PCDH11X: variants seen among roughly 807,000 people sequenced by gnomAD.
The protein encoded by PCDH11X is protocadherin-11 X-linked.
A neutral mutation model predicts 53.3 loss-of-function variants in PCDH11X; 18 were observed. That is an observed-to-expected ratio of 0.34 (90% CI 0.23 to 0.50). The LOEUF is 0.50. Among genes scored for constraint, PCDH11X ranks in the 20% least tolerant of loss-of-function variants. The probability of loss-of-function intolerance (pLI) is 0.98; values close to 1 mark genes in which losing one functional copy is unlikely to be tolerated. For synonymous variants in PCDH11X, 279 were observed against 393.3 expected (o/e 0.71, Z 3.44); for missense variants, 570 against 1,032.4 (o/e 0.55, Z 6.14).
intron 6 of PCDH11X, among the ~76,000 whole-genome samples, chrX:92,111,253 C>CAAAAAAAAAAAAAAAAAAAA (rs2064503540): frequency 3.8e-5 from 2 of 52,401 alleles, no homozygotes; most frequent in East Asian, 5.7e-3. Context: ...AAAAAAAAAT[C>CAAAAAAAAAAAAAAAAAAAA]AGCGTCAACT....
intron 8 of PCDH11X, among the ~76,000 whole-genome samples, chrX:92,370,615 A>G (rs2070597589): frequency 9.1e-6 from 1 of 109,507 alleles, no homozygotes; most frequent in African/African-American, 3.3e-5. Context: ...ATGTGACACT[A>G]TGCCCAGCTA....
rs1265335895 is a variant in PCDH11X, at chrX:91,879,489, T to G, written c.3033+216T>G. 3 of 1,074,052 alleles carry G rather than the reference T, an allele frequency of 2.8e-6. No homozygotes were observed. The East Asian group carries it at 1.0e-4, about 36-fold the overall frequency. 88.5% of individuals were successfully genotyped at this position (1,074,052 alleles called of 1,213,427 possible). On this transcript the variant is annotated intron_variant, in intron 6 of 10. Transcript: ENST00000682573. Reference sequence around the variant, plus strand: ...GGAAAATTGGATGCAGAATAATAATTATAGTAGGGGCAATTTTGTCTGTAG... The same window carrying G: ...GGAAAATTGGATGCAGAATAATAATGATAGTAGGGGCAATTTTGTCTGTAG...
At chrX:92,549,030 C>G (rs1490256729) in intron 10 of PCDH11X, among the ~76,000 whole-genome samples, 3 of 99,888 alleles carry the variant, frequency 3.0e-5, no homozygotes, top group Non-Finnish European at 6.2e-5. Context: ...CCAGGTACAT[C>G]TGATCATTGT....
At chrX:91,994,124 C>G (rs1462164701) in intron 6 of PCDH11X, among the ~76,000 whole-genome samples, 1 of 94,222 alleles carries the variant, frequency 1.1e-5, no homozygotes, top group Non-Finnish European at 2.1e-5. Context: ...TTTTGATACA[C>G]ATATACATTG....
At chrX:92,114,106 A>G in intron 6 of PCDH11X, 1 of 1,162,700 alleles carries the variant, frequency 8.6e-7, no homozygotes, top group Non-Finnish European at 1.2e-6. Context: ...TGCCATGACC[A>G]CCTTCTGTAT....
intron 6 of PCDH11X, among the ~76,000 whole-genome samples, chrX:91,976,140 C>T (rs1424112216): frequency 9.0e-6 from 1 of 111,436 alleles, no homozygotes; most frequent in Admixed American, 9.6e-5. Context: ...GTAGCCTCAA[C>T]CTCCCAGGCT....
chrX:92,075,031 A>T (rs1462225540), intron 6 of PCDH11X, among the ~76,000 whole-genome samples: 1 of 110,676 alleles, frequency 9.0e-6, no homozygotes, highest in Non-Finnish European at 1.9e-5. Context: ...ACAGGTAAAA[A>T]CTGATATAAG....
chrX:92,596,001 G>C (rs1192945150), intron 10 of PCDH11X, among the ~76,000 whole-genome samples: 3 of 111,123 alleles, frequency 2.7e-5, no homozygotes, highest in Non-Finnish European at 5.7e-5. Flanking sequence ...ACCTCCTCAT[G>C]TGGGAAACAG....
chrX:92,320,562 T>G (rs2069177516), intron 8 of PCDH11X, among the ~76,000 whole-genome samples: 1 of 110,605 alleles, frequency 9.0e-6, no homozygotes. Flanking sequence ...TTCTAAAAAG[T>G]TATTATGATT....
chrX:92,491,951 T>C (rs1365442227), intron 10 of PCDH11X, among the ~76,000 whole-genome samples: 1 of 111,357 alleles, frequency 9.0e-6, no homozygotes. Context: ...TATCAAGAAG[T>C]CCCAAATTAT....
intron 10 of PCDH11X, among the ~76,000 whole-genome samples, chrX:92,473,057 A>G (rs1174693695): frequency 9.5e-6 from 1 of 105,627 alleles, no homozygotes; most frequent in Admixed American, 1.0e-4. Flanking sequence ...TTTTTTAGAT[A>G]TAGGGTCATG....
At chrX:91,816,060 G>A (rs1299062333) in intron 4 of PCDH11X, among the ~76,000 whole-genome samples, 2 of 109,560 alleles carry the variant, frequency 1.8e-5, no homozygotes, top group Non-Finnish European at 3.8e-5. Flanking sequence ...CCCGGGAGGC[G>A]GAGGTTGCAG....
At chrX:92,463,139 T>A (rs1046265870) in intron 9 of PCDH11X, among the ~76,000 whole-genome samples, 20 of 109,586 alleles carry the variant, frequency 1.8e-4, no homozygotes, top group African/African-American at 6.0e-4. Flanking sequence ...GCCTTATATT[T>A]TTAGCAAAAA....
chrX:91,824,987 G>A (rs375024209), intron 4 of PCDH11X, among the ~76,000 whole-genome samples: 4 of 110,130 alleles, frequency 3.6e-5, no homozygotes, highest in South Asian at 3.8e-4. Context: ...TAGGCTGCTC[G>A]GGGGTCAGGG....
chrX:91,998,479 T>G (rs1266657674), intron 6 of PCDH11X, among the ~76,000 whole-genome samples: 3 of 82,492 alleles, frequency 3.6e-5, no homozygotes, highest in African/African-American at 1.4e-4. Flanking sequence ...TCAACATATT[T>G]TATCAATTTT....
Position 92,618,497 on chromosome X carries a change from G to T in PCDH11X, c.3601G>T (p.Val1201Leu). The T allele has an allele frequency of 8.3e-7, 1 of 1,209,350 alleles. No homozygotes were observed. The highest frequency in any genetic ancestry group is 1.1e-6 in the Non-Finnish European group (1 of 894,980). The change falls in exon 11 of 11, where the codon GTG becomes TTG. Residue 1201 changes from valine (V) to leucine (L), a missense_variant. Physicochemically the swap from Val to Leu is conservative, Grantham distance 32 (BLOSUM62 1). This residue lies in a region of PCDH11X where 234 missense variants were observed against 296.1 expected (regional missense o/e 0.79). Transcript: ENST00000682573. ...QTIALCHSPP[V>L]TQTIALCHSP... ...CATTGCTCTCTGCCACAGCCCTCCA[G>T]TGACACAGACCATCGCATTGTGCCA...
chrX:92,493,793 C>A (rs999539080), intron 10 of PCDH11X, among the ~76,000 whole-genome samples: 9 of 105,707 alleles, frequency 8.5e-5, no homozygotes, highest in Non-Finnish European at 1.4e-4. Context: ...ATTACAGGTG[C>A]ACACCACCAT....
At chrX:91,905,617 G>A (rs113284072) in intron 6 of PCDH11X, among the ~76,000 whole-genome samples, 3,384 of 110,616 alleles carry the variant, frequency 0.031, 146 homozygotes, top group African/African-American at 0.11. Flanking sequence ...TATATTTTTA[G>A]TTATATTTTA....
chrX:91,865,528 G>A (rs2147699568), intron 5 of PCDH11X, among the ~76,000 whole-genome samples: 1 of 110,718 alleles, frequency 9.0e-6, no homozygotes, highest in East Asian at 2.9e-4. Flanking sequence ...TCAAGGACCT[G>A]TGGCTCTACA....
Sources: gnomAD v4.1 joint callset for allele counts (sites outside exome capture counted in the v4.1 genomes callset) on GRCh38, gnomAD v4.1.1 for gene constraint, gnomAD v4.1.1 regional missense constraint, MANE v1.5 for transcripts, NCBI Gene and HGNC (gene_info 2026-07-23, HGNC 2026-07-21) for gene names.